Variants in SLC35A3 observed in about 807,000 individuals in gnomAD.
The protein encoded by SLC35A3 is UDP-N-acetylglucosamine transporter.
In SLC35A3, 26 loss-of-function variants were observed where a neutral mutation model predicts 39.0. The observed-to-expected ratio is 0.67, with a 90% confidence interval of 0.49 to 0.92. The LOEUF (loss-of-function observed/expected upper bound fraction) is 0.92. Among genes scored for constraint, SLC35A3 ranks in the 40% least tolerant of loss-of-function variants. SLC35A3 has a pLI of 0.00. For synonymous variants in SLC35A3, 135 were observed against 133.1 expected, an observed-to-expected ratio of 1.01 and a Z score of -0.10; for missense variants, 299 against 371.6, an observed-to-expected ratio of 0.80 and a Z score of 1.61.
intron 1 of SLC35A3, among the ~76,000 whole-genome samples, chr1:99,984,491 C>T (rs1016174603): frequency 6.6e-6 from 1 of 152,198 alleles, no homozygotes; most frequent in Non-Finnish European, 1.5e-5. Flanking sequence ...GATTAATAGA[C>T]ATTTGGACTG....
In SLC35A3 at chr1:100,015,392, G is replaced by T; in HGVS notation, c.725G>T (p.Arg242Leu). The change falls in exon 6 of 8, where the codon CGA (arginine) becomes CTA (leucine). Residue 242 changes from arginine (R) to leucine (L), a missense_variant. By Grantham distance (102) the Arg-to-Leu change is moderately radical. Transcript: ENST00000533028. ...AATGGATTTTTTCAGGGATATAACC[G>T]ACTGACCTGGATAGTAGTTGTTCTT... ...SKNGFFQGYN[R>L]LTWIVVVLQA... 6.2e-7 allele frequency: 1 copy of T among 1,612,720 alleles called. No individual in the cohort carries two copies. The highest frequency in any genetic ancestry group is 8.5e-7 in the Non-Finnish European group (1 of 1,179,526).
chr1:100,035,159 T>C lies in SLC35A3; in HGVS notation c.*12683T>C, dbSNP rs1469920113. The C allele has an allele frequency of 6.6e-6, 1 of 152,172 alleles. No homozygotes were observed. Among genetic ancestry groups the C allele is most frequent in the African/African-American group, 2.4e-5 (1 of 41,444 alleles). 9.4% of individuals were successfully genotyped at this position (152,172 alleles called of 1,614,324 possible). A position where few individuals can be genotyped will look rare whatever the true frequency, so the allele number is the denominator to read the frequency against. ...CTAAAGTCCCTTACATAAAATGGCA[T>C]AGTATTTGGTTATCATCCTCCCCAT... On this transcript the variant is annotated 3_prime_UTR_variant, in exon 8 of 8. Transcript: ENST00000533028.
rs1203889510 is a variant in SLC35A3 at position 100,023,620 on chromosome 1, A to G, written c.*1144A>G. 6.6e-6 allele frequency: 1 copy of G among 152,242 alleles called. No homozygotes were observed. The highest frequency in any genetic ancestry group is 2.4e-5 in the African/African-American group (1 of 41,468). The allele number at this position is 152,242 out of a possible 1,614,324, so 9.4% of individuals were successfully genotyped here. A position where few individuals can be genotyped will look rare whatever the true frequency, so the allele number is the denominator to read the frequency against. On this transcript the variant is annotated 3_prime_UTR_variant, in exon 8 of 8. Transcript: ENST00000533028. Reference sequence around the variant, plus strand: ...GACTTTAAATCCAAGGCTGCTCGGAAGATTTTTTTAGGTCTCTCATAAGCC... The same window carrying G: ...GACTTTAAATCCAAGGCTGCTCGGAGGATTTTTTTAGGTCTCTCATAAGCC...
Position 100,026,614 on chromosome 1 carries a change from A to G in SLC35A3, c.*4138A>G, listed in dbSNP as rs1660924747. The G allele has an allele frequency of 1.3e-5, 2 of 152,250 alleles. No individual in the cohort carries two copies. The highest frequency in any genetic ancestry group is 1.3e-4 in the Admixed American group (2 of 15,286). The allele number at this position is 152,250 out of a possible 1,614,324, so 9.4% of individuals were successfully genotyped here. A position where few individuals can be genotyped will look rare whatever the true frequency, so the allele number is the denominator to read the frequency against. ...AAAAGCATAAACATTTGTGAACAGT[A>G]CTTAAATAAATTGTGATACTATTGC... On this transcript the variant is annotated 3_prime_UTR_variant, in exon 8 of 8. Transcript: ENST00000533028.
chr1:99,978,714 G>A (rs188893751), intron 1 of SLC35A3, among the ~76,000 whole-genome samples: 3 of 152,300 alleles, frequency 2.0e-5, no homozygotes, highest in East Asian at 3.9e-4. Context: ...TCTATGAGAA[G>A]ATTACTAGAG....
At chr1:99,990,057 C>T (rs928813121) in intron 1 of SLC35A3, among the ~76,000 whole-genome samples, 3 of 152,138 alleles carry the variant, frequency 2.0e-5, no homozygotes, top group East Asian at 3.9e-4. Flanking sequence ...GCACCTGGCC[C>T]GATTTTTAAT....
At chr1:99,999,666 T>C (rs1658631999) in intron 3 of SLC35A3, among the ~76,000 whole-genome samples, 1 of 152,156 alleles carries the variant, frequency 6.6e-6, no homozygotes. Flanking sequence ...CTTACTATGC[T>C]AACACTAGAA....
intron 6 of SLC35A3, 112 bp downstream of exon 6, chr1:100,015,532 G>A (rs1366114511): frequency 1.8e-5 from 21 of 1,164,668 alleles, no homozygotes; most frequent in Non-Finnish European, 2.4e-5. Flanking sequence ...TCCTGTTAGT[G>A]CTCTCGTATC....
chr1:100,020,818 T>C (rs1401616691), intron 7 of SLC35A3, among the ~76,000 whole-genome samples: 1 of 152,144 alleles, frequency 6.6e-6, no homozygotes, highest in East Asian at 1.9e-4. Flanking sequence ...GCAAGGAAAC[T>C]GTGGACAGAG....
chr1:100,031,749 T>C lies in SLC35A3; in HGVS notation c.*9273T>C, dbSNP rs1661259933. ...CAGTTGTCTCAAAAATGATTTTTTATAGCTTTTTTGTTTTGGAACGAGGGT... is the reference window on the plus strand; with the variant it reads ...CAGTTGTCTCAAAAATGATTTTTTACAGCTTTTTTGTTTTGGAACGAGGGT... On this transcript the variant is annotated 3_prime_UTR_variant, in exon 8 of 8. Transcript: ENST00000533028. 2.6e-5 allele frequency: 4 copies of C among 152,236 alleles called. No homozygotes were observed. The highest frequency in any genetic ancestry group is 1.3e-4 in the Admixed American group (2 of 15,284). 9.4% of individuals were successfully genotyped at this position (152,236 alleles called of 1,614,324 possible).
intron 1 of SLC35A3, chr1:99,970,387 G>A (rs558047105): frequency 1.1e-4 from 64 of 601,936 alleles, no homozygotes; most frequent in African/African-American, 8.5e-4. Flanking sequence ...ACGACGTGCG[G>A]AATGTACTGG....
intron 2 of SLC35A3, among the ~76,000 whole-genome samples, chr1:99,996,971 G>T (rs1163684104): frequency 6.6e-6 from 1 of 151,708 alleles, no homozygotes; most frequent in Non-Finnish European, 1.5e-5. Flanking sequence ...GGGTTCCTTC[G>T]AATTAGAATA....
intron 3 of SLC35A3, among the ~76,000 whole-genome samples, chr1:100,003,934 A>G (rs535116732): frequency 6.6e-6 from 1 of 152,106 alleles, no homozygotes; most frequent in South Asian, 2.1e-4. Context: ...AAGTATAGCT[A>G]TTTCTGCTCG....
In SLC35A3 at chr1:99,997,988, GT is replaced by G. The variant is rs577233277; in HGVS notation, c.188-1271del. 3.0e-4 allele frequency among the ~76,000 whole-genome samples: 45 copies of G among 152,048 alleles called. No individual in the cohort carries two copies. In the South Asian group the frequency reaches 8.9e-3, roughly 30 times the overall value. On this transcript the variant is annotated intron_variant, in intron 2 of 7. Transcript: ENST00000533028. ...AGCTTTCTCTTTTTTTCCTCTCCTG[GT>G]TGATGGCACCTTGACCCATTAGTGG...
At chr1:100,020,079 A>G (rs1347723383) in intron 7 of SLC35A3, among the ~76,000 whole-genome samples, 1 of 152,244 alleles carries the variant, frequency 6.6e-6, no homozygotes. Context: ...TTGGAAAGAC[A>G]GATGTGAATA....
At position 99,993,617 on chromosome 1, in the gene SLC35A3, T is replaced by A. The variant is rs141542767; in HGVS notation, c.63T>A (p.Val21=). ...GILVFQTTSL[V]LTMRYSRTLK... ...TGGTCTTTCAGACTACCAGTTTGGT[T>A]CTAACAATGCGTTATTCCAGAACTT... is the stretch of plus-strand genomic sequence containing the variant. Residue 21 remains valine, a synonymous_variant, in exon 2 of 8, where the codon GTT becomes GTA. Transcript: ENST00000533028. 1.9e-6 allele frequency: 3 copies of A among 1,614,022 alleles called. No individual in the cohort carries two copies. Among genetic ancestry groups the A allele is most frequent in the Admixed American group, 3.3e-5 (2 of 60,008 alleles).
chr1:99,998,021 T>C (rs898749927), intron 2 of SLC35A3, among the ~76,000 whole-genome samples: 4 of 152,182 alleles, frequency 2.6e-5, no homozygotes, highest in Non-Finnish European at 4.4e-5. Context: ...GTGGCACCAC[T>C]TTGAGTTTTC....
intron 4 of SLC35A3, chr1:100,007,882 T>C (rs1385321691): frequency 1.3e-5 from 2 of 152,004 alleles, no homozygotes; most frequent in African/African-American, 2.4e-5. Flanking sequence ...TTAATACTTA[T>C]ATCCTGATAA....
At chr1:99,995,148 CTTTCTTTCTTTCTTTT>C (rs1395139343) in intron 2 of SLC35A3, among the ~76,000 whole-genome samples, 16 of 111,352 alleles carry the variant, frequency 1.4e-4, no homozygotes, top group Non-Finnish European at 3.0e-4. Flanking sequence ...TTCTTTCTTT[CTTTCTTTCTTTCTTTT>C]TTTTTCGAGA....
Sources: gnomAD v4.1 joint callset for allele counts (sites outside exome capture counted in the v4.1 genomes callset) on GRCh38, gnomAD v4.1.1 for gene constraint, MANE v1.5 for transcripts, NCBI Gene and HGNC (gene_info 2026-07-23, HGNC 2026-07-21) for gene names.